The following NPIPB2 variants were observed in gnomAD, a reference collection of about 807,000 sequenced individuals.
NPIPB2 encodes nuclear pore complex interacting protein family member B2, also known as nuclear pore complex-interacting protein family member B2.
Under a neutral mutation model 30.8 loss-of-function variants are expected in NPIPB2, and 27 were observed. The observed-to-expected ratio is 0.88, with a 90% CI of 0.65 to 1.21. NPIPB2 has a LOEUF of 1.21. Among genes scored for constraint, NPIPB2 ranks in the 50% most tolerant of loss-of-function variants. NPIPB2 has a pLI of 0.00. For synonymous variants in NPIPB2, 147 were observed against 162.0 expected (o/e 0.91, Z 0.70); for missense variants, 440 against 446.2 (o/e 0.99, Z 0.13).
exon 1 of NPIPB2, chr16:11,976,619 G>A (rs931494097): frequency 8.8e-5 from 33 of 375,578 alleles, no homozygotes; most frequent in Non-Finnish European, 1.2e-4. Flanking sequence ...ACCGGGTCCG[G>A]CGACTTGGAT....
chr16:11,968,552 T>C (rs549740015), intron 1 of NPIPB2: 11 of 152,358 alleles, frequency 7.2e-5, no homozygotes, highest in African/African-American at 2.4e-4. Context: ...CCCAAAGATA[T>C]GTGGTCCTTA....
exon 2 of NPIPB2, chr16:11,937,558 G>C: frequency 6.3e-7 from 1 of 1,598,742 alleles, no homozygotes; most frequent in Admixed American, 1.7e-5. Flanking sequence ...AAACTGTCCA[G>C]AGGGTAAGGA....
chr16:11,969,152 C>T (rs753986353), intron 1 of NPIPB2, among the ~76,000 whole-genome samples: 9 of 152,088 alleles, frequency 5.9e-5, no homozygotes, highest in Non-Finnish European at 1.2e-4. Flanking sequence ...CCGGTGTGAG[C>T]TATCGCGCCC....
chr16:11,974,091 C>T (rs2055252648), intron 1 of NPIPB2, among the ~76,000 whole-genome samples: 1 of 152,122 alleles, frequency 6.6e-6, no homozygotes, highest in Admixed American at 6.6e-5. Flanking sequence ...GGAACTTCAT[C>T]CTGGCTTTGA....
upstream of NPIPB2, among the ~76,000 whole-genome samples, chr16:11,945,687 A>C (rs1567471327): frequency 6.6e-6 from 1 of 151,780 alleles, no homozygotes; most frequent in Non-Finnish European, 1.5e-5. Flanking sequence ...TAAAAAAAAA[A>C]CAAAAACAAA....
exon 8 of NPIPB2, chr16:11,927,473 T>G (rs2054738279): frequency 8.2e-7 from 1 of 1,213,982 alleles, no homozygotes; most frequent in South Asian, 1.3e-5. Context: ...CCTCTTGGGT[T>G]CGGGTGGTGA....
intron 1 of NPIPB2, among the ~76,000 whole-genome samples, chr16:11,940,722 T>G (rs1596494615): frequency 8.0e-6 from 1 of 125,522 alleles, no homozygotes; most frequent in South Asian, 2.7e-4. Context: ...ATCTTGCCAC[T>G]GCACTCCAGC....
At chr16:11,967,741 A>T (rs1278107602) in intron 1 of NPIPB2, 1 of 1,614,104 alleles carries the variant, frequency 6.2e-7, no homozygotes, top group Non-Finnish European at 8.5e-7. Flanking sequence ...CCAGCTATGG[A>T]GGAAGGCGCA....
At position 11,964,324 on chromosome 16, in the gene NPIPB2, CCT is replaced by C. The variant is rs555450350; in HGVS notation, c.-584+12242_-584+12243del. On this transcript the variant is annotated intron_variant, in intron 1 of 5. Transcript: ENST00000538896. ...ACCCCAAACCTATCTTCCTCTCAGC[CCT>C]CTTTCCACGAGCTCTTACCCTAAAT... is the stretch of plus-strand genomic sequence containing the variant. Among the ~76,000 whole-genome samples the C allele has an allele frequency of 1.4e-3, 218 of 152,188 alleles. 2 individuals carry two copies. The highest frequency in any genetic ancestry group is 4.7e-3 in the African/African-American group (194 of 41,542).
chr16:11,933,755 C>T (rs760451133), intron 3 of NPIPB2, 43 bp from the exon 4 acceptor site: 77 of 1,595,160 alleles, frequency 4.8e-5, no homozygotes, highest in Middle Eastern at 2.2e-4. Flanking sequence ...AACCTGAGGG[C>T]AAGAAGCTGT....
chr16:11,964,978 G>A (rs1472555927), intron 1 of NPIPB2: 11 of 341,514 alleles, frequency 3.2e-5, no homozygotes, highest in Admixed American at 2.3e-4. Flanking sequence ...CTGAACATTC[G>A]GCTTGATGCT....
chr16:11,949,238 A>G (rs2055042114), intron 1 of NPIPB2, among the ~76,000 whole-genome samples: 1 of 152,210 alleles, frequency 6.6e-6, no homozygotes, highest in African/African-American at 2.4e-5. Context: ...AATACTTGCG[A>G]AGCCTTTTCT....
At chr16:11,963,290 G>C (rs2055167514) in intron 1 of NPIPB2, among the ~76,000 whole-genome samples, 1 of 150,782 alleles carries the variant, frequency 6.6e-6, no homozygotes, top group Admixed American at 6.7e-5. Flanking sequence ...TGAGGCCAGA[G>C]AATCGCTTGA....
At chr16:11,971,260 A>G (rs985702955) in intron 1 of NPIPB2, among the ~76,000 whole-genome samples, 4 of 152,220 alleles carry the variant, frequency 2.6e-5, no homozygotes, top group African/African-American at 9.6e-5. Flanking sequence ...TCTGAACCAA[A>G]TATGAGTGAC....
At chr16:11,968,003 G>A (rs1381814011) in intron 1 of NPIPB2, 9 of 831,794 alleles carry the variant, frequency 1.1e-5, no homozygotes, top group Non-Finnish European at 1.1e-5. Flanking sequence ...ATTTCTCTAG[G>A]TTACTGTTGG....
exon 3 of NPIPB2, chr16:11,933,869 T>A: frequency 6.4e-7 from 1 of 1,570,328 alleles, no homozygotes; most frequent in Non-Finnish European, 8.7e-7. Context: ...CTGCTGTACA[T>A]CTGTGGATAC....
At chr16:11,941,424 T>C (rs1229329454) in intron 1 of NPIPB2, 16 of 471,774 alleles carry the variant, frequency 3.4e-5, no homozygotes, top group East Asian at 4.2e-5. Flanking sequence ...AAGGGGGCTG[T>C]TGGGCACCTG....
upstream of NPIPB2, among the ~76,000 whole-genome samples, chr16:11,944,468 T>C (rs2054980885): frequency 6.6e-6 from 1 of 151,522 alleles, no homozygotes; most frequent in Admixed American, 6.6e-5. Context: ...CACCTGGCCT[T>C]AAATTTTTTA....
At chr16:11,943,561 G>T (rs1013754017), upstream of NPIPB2, among the ~76,000 whole-genome samples, 6 of 151,698 alleles carry the variant, frequency 4.0e-5, no homozygotes, top group Admixed American at 3.9e-4. Context: ...AATTAGCCAG[G>T]CATGGTGGCA....
Sources: gnomAD v4.1 joint callset for allele counts (sites outside exome capture counted in the v4.1 genomes callset) on GRCh38, gnomAD v4.1.1 for gene constraint, MANE v1.5 for transcripts, NCBI Gene and HGNC (gene_info 2026-07-23, HGNC 2026-07-21) for gene names.